PKD1: variants seen among roughly 807,000 people sequenced by gnomAD.
PKD1 encodes the protein polycystin 1, transient receptor potential channel interacting, also known as polycystin-1.
PKD1 carries 81 observed loss-of-function variants against 361.7 expected under a neutral mutation model. The ratio of observed to expected loss-of-function variants is 0.22; its 90% CI spans 0.19 to 0.27. The LOEUF (loss-of-function observed/expected upper bound fraction) is 0.27, where lower values mean the gene tolerates loss of function less well. Ranked by LOEUF, PKD1 falls within the 10% of genes least tolerant of loss-of-function variation. PKD1 has a pLI of 1.00. For synonymous variants in PKD1, 3,615 were observed against 2,818.3 expected, an observed-to-expected ratio of 1.28 and a Z score of -8.95; for missense variants, 6,399 against 6,118.3, an observed-to-expected ratio of 1.05 and a Z score of -1.53.
intron 1 of PKD1, among the ~76,000 whole-genome samples, chr16:2,126,982 A>T (rs1204216513): frequency 6.6e-6 from 1 of 152,202 alleles, no homozygotes; most frequent in South Asian, 2.1e-4. Flanking sequence ...CTCATGGGCC[A>T]GGATGGCAGA....
chr16:2,118,545 G>T lies in PKD1; in HGVS notation c.530-83C>A. 1 of 1,244,894 alleles carries T rather than the reference G, an allele frequency of 8.0e-7. No individual in the cohort carries two copies. 77.1% of individuals were successfully genotyped at this position (1,244,894 alleles called of 1,614,324 possible). A position where few individuals can be genotyped will look rare whatever the true frequency, so the allele number is the denominator to read the frequency against. On this transcript the variant is annotated intron_variant, in intron 4 of 45. Coordinates refer to ENST00000262304, the MANE Select transcript of PKD1 (RefSeq NM_001009944.3). This position sits in a 1 kb window ranked among gnomAD's most constrained non-coding sequence, Gnocchi z 6.0. The stretch of plus-strand genomic sequence containing the variant: ...CCCACATCCGCCCGCCGCACTCACA[G>T]GCTCCCATGCTGTTCCCTTGGCCCG...
intron 1 of PKD1, among the ~76,000 whole-genome samples, chr16:2,132,445 G>C (rs1222396978): frequency 6.7e-6 from 1 of 150,022 alleles, no homozygotes; most frequent in Non-Finnish European, 1.5e-5. Context: ...GTGCATGCCT[G>C]TAAACCCAGC....
intron 5 of PKD1, 43 bp from the exon 6 acceptor site, chr16:2,117,715 C>T (rs1461464380): frequency 7.0e-7 from 1 of 1,429,744 alleles, no homozygotes; most frequent in East Asian, 2.3e-5. Context: ...TCAGTGTGGG[C>T]CCAAGACGGG....
chr16:2,125,410 A>G (rs1353799945), intron 1 of PKD1, among the ~76,000 whole-genome samples: 3 of 152,130 alleles, frequency 2.0e-5, no homozygotes, highest in East Asian at 3.9e-4. Context: ...GGGGTGTGAG[A>G]CTAGCTGGGG....
rs1168624981 is a variant in PKD1, at chr16:2,115,375, C to A, written c.2097+3G>T. On this transcript the variant is annotated splice_donor_region_variant and intron_variant, in intron 10 of 45. Coordinates refer to ENST00000262304, the MANE Select transcript of PKD1 (RefSeq NM_001009944.3). The stretch of plus-strand genomic sequence containing the variant: ...GGAACAGACCCAGGTCAGGGCCACA[C>A]ACCGAGTACTGCGCGGGGGGCCCCG... 7 of 1,515,188 alleles carry A rather than the reference C, an allele frequency of 4.6e-6. No individual in the cohort carries two copies. The African/African-American group carries it at 9.6e-5, about 21-fold the overall frequency. The allele number at this position is 1,515,188 out of a possible 1,614,324, so 93.9% of individuals were successfully genotyped here. A position where few individuals can be genotyped will look rare whatever the true frequency, so the allele number is the denominator to read the frequency against.
chr16:2,112,000 G>A (rs2092522943), intron 14 of PKD1, 129 bp from the exon 15 acceptor site: 1 of 1,012,690 alleles, frequency 9.9e-7, no homozygotes, highest in East Asian at 2.6e-5. Context: ...AAGGGTCCCA[G>A]GCTCCCAAGC....
chr16:2,117,123 C>T, intron 6 of PKD1, 70 bp from the exon 7 acceptor site: 1 of 741,888 alleles, frequency 1.3e-6, no homozygotes, highest in South Asian at 1.7e-5. Context: ...CAGCAGCCCG[C>T]TGGGAGCCCC....
rs1223032154 is a variant in PKD1 at position 2,108,852 on chromosome 16, T to C, written c.6315A>G (p.Thr2105=). ...AGGAGTGCTCGGCCCTGGGCTCATC[T>C]GTGTCCTGCCCTGGCGACCCATCCC... is the stretch of plus-strand genomic sequence containing the variant. ...DFGDGSPGQD[T]DEPRAEHSYL... The change falls in exon 15 of 46, where the codon ACA becomes ACG. Residue 2105 remains threonine (T), a synonymous_variant. Transcript: ENST00000262304. 12 of 1,574,206 alleles carry C rather than the reference T, an allele frequency of 7.6e-6. No homozygotes were observed. The highest frequency in any genetic ancestry group is 1.0e-5 in the Non-Finnish European group (12 of 1,161,090).
chr16:2,112,499 G>C (rs1228324678), intron 13 of PKD1, 26 bp from the exon 14 acceptor site: 5 of 1,581,342 alleles, frequency 3.2e-6, no homozygotes, highest in Non-Finnish European at 3.4e-6. Flanking sequence ...GACGCAGTGA[G>C]TGAACCGGGA....
chr16:2,089,462 G>A lies in PKD1; in HGVS notation c.*265C>T, dbSNP rs919309114. The A allele has an allele frequency of 3.6e-6, 2 of 548,304 alleles. No individual in the cohort carries two copies. The highest frequency in any genetic ancestry group is 3.3e-6 in the Non-Finnish European group (1 of 306,492). The allele number at this position is 548,304 out of a possible 1,614,324, so 34.0% of individuals were successfully genotyped here. A position where few individuals can be genotyped will look rare whatever the true frequency, so the allele number is the denominator to read the frequency against. On this transcript the variant is annotated 3_prime_UTR_variant, in exon 46 of 46. Transcript: ENST00000262304. ...AGCCCGCTGTACCTGAGGACTCGGGGAAATAAATTAGCATCTCAGAGGCTA... is the reference window on the plus strand; with the variant it reads ...AGCCCGCTGTACCTGAGGACTCGGGAAAATAAATTAGCATCTCAGAGGCTA...
rs771162086 is a variant in PKD1, at chr16:2,097,219, G to C, written c.10428C>G (p.Val3476=). 6.3e-7 allele frequency: 1 copy of C among 1,577,100 alleles called. No individual in the cohort carries two copies. ...SASDEDLIQQ[V]LAEGVSSPAP... is the part of the protein sequence containing the mutation. ...CTGGGCTGCTGACCCCCTCGGCAAG[G>C]ACCTGCTGGATCAGGTCTTCATCTA... The change falls in exon 34 of 46, where the codon GTC becomes GTG. Residue 3476 remains valine, a synonymous_variant. Coordinates refer to ENST00000262304, the MANE Select transcript of PKD1 (RefSeq NM_001009944.3).
At chr16:2,092,668 A>C (rs570587724) in intron 38 of PKD1, 76 bp from the exon 39 acceptor site, 112 of 1,074,428 alleles carry the variant, frequency 1.0e-4, no homozygotes, top group Non-Finnish European at 1.4e-4. Context: ...CCAGAGACCC[A>C]GGGAACATGG....
intron 1 of PKD1, among the ~76,000 whole-genome samples, chr16:2,130,195 G>A (rs529835563): frequency 5.3e-5 from 8 of 152,338 alleles, no homozygotes; most frequent in Admixed American, 1.3e-4. Context: ...CGTAAGACCC[G>A]GCTCAGGGAC....
At chr16:2,124,978 C>T (rs2092775841) in intron 1 of PKD1, among the ~76,000 whole-genome samples, 1 of 152,190 alleles carries the variant, frequency 6.6e-6, no homozygotes, top group Non-Finnish European at 1.5e-5. Context: ...CTCCCGAGAG[C>T]AGGCCCAGGG....
intron 34 of PKD1, among the ~76,000 whole-genome samples, chr16:2,096,650 G>A (rs1425849986): frequency 6.6e-6 from 1 of 152,076 alleles, no homozygotes; most frequent in Non-Finnish European, 1.5e-5. Flanking sequence ...CGAGTAACTG[G>A]GACTACAGGC....
chr16:2,102,027 A>T (rs1464798831), intron 26 of PKD1, 34 bp downstream of exon 26: 12 of 1,344,226 alleles, frequency 8.9e-6, no homozygotes, highest in Admixed American at 2.0e-5. Flanking sequence ...CAGTGAGAGC[A>T]GGGGAGGCCC....
At chr16:2,126,150 C>G (rs2092797372) in intron 1 of PKD1, among the ~76,000 whole-genome samples, 1 of 152,246 alleles carries the variant, frequency 6.6e-6, no homozygotes, top group Non-Finnish European at 1.5e-5. Flanking sequence ...TGGTACGAGC[C>G]ATCCTGAGGC....
At position 2,108,255 on chromosome 16, in the gene PKD1, T is replaced by C. The variant is rs1013421542; in HGVS notation, c.6912A>G (p.Thr2304=). The C allele has an allele frequency of 6.3e-7, 1 of 1,598,704 alleles. No homozygotes were observed. Among genetic ancestry groups the C allele is most frequent in the Non-Finnish European group, 8.5e-7 (1 of 1,171,098 alleles). ...GACGGCCCTGCCACGCACTGACCTG[T>C]GTCGAAGCCACACAGGCCCAGTGGA... ...LSFHWACVAS[T]QREAGGCALN... is the part of the protein sequence containing the mutation. Residue 2304 remains threonine (T), a synonymous_variant, in exon 15 of 46, where the codon ACA becomes ACG. Coordinates refer to ENST00000262304, the MANE Select transcript of PKD1 (RefSeq NM_001009944.3).
Position 2,091,339 on chromosome 16 carries a change from G to A in PKD1, c.11712+84C>T, listed in dbSNP as rs898396140. ...GCGAGGGGGCGGGGCGCTGCGAGGG[G>A]TGAGACGCTGCCGGGGCGGGGCCCC... is the stretch of plus-strand genomic sequence containing the variant. On this transcript the variant is annotated intron_variant, in intron 42 of 45. Transcript: ENST00000262304. The A allele has an allele frequency of 1.1e-3, 645 of 582,282 alleles. 17 individuals are homozygous for A. The highest frequency in any genetic ancestry group is 1.3e-3 in the Non-Finnish European group (588 of 466,996). 36.1% of individuals were successfully genotyped at this position (582,282 alleles called of 1,614,324 possible). A position where few individuals can be genotyped will look rare whatever the true frequency, so the allele number is the denominator to read the frequency against.
Sources: gnomAD v4.1 joint callset for allele counts (sites outside exome capture counted in the v4.1 genomes callset) on GRCh38, gnomAD v4.1.1 for gene constraint, Gnocchi (gnomAD v3.1) non-coding constraint, MANE v1.5 for transcripts, NCBI Gene and HGNC (gene_info 2026-07-23, HGNC 2026-07-21) for gene names.